The following ASGR1 variants were observed in gnomAD, a reference collection of about 807,000 sequenced individuals.
ASGR1 encodes C-type lectin domain family 4 member H1.
In ASGR1, 35 loss-of-function variants were observed where a neutral mutation model predicts 33.1. The ratio of observed to expected loss-of-function variants is 1.06; its 90% CI spans 0.81 to 1.40. The LOEUF is 1.40. Among genes scored for constraint, ASGR1 ranks in the 40% most tolerant of loss-of-function variants. ASGR1 has a pLI of 0.00. For synonymous variants in ASGR1, 142 were observed against 152.5 expected (o/e 0.93, Z 0.51); for missense variants, 396 against 373.7 (o/e 1.06, Z -0.49).
Position 7,178,530 on chromosome 17 carries a change from C to A in ASGR1, c.34G>T (p.Asp12Tyr), listed in dbSNP as rs762792513. The change falls in exon 2 of 9, where the codon GAC becomes TAC. Residue 12 changes from aspartate to tyrosine, a missense_variant. Coordinates refer to ENST00000269299, the MANE Select transcript of ASGR1 (RefSeq NM_001671.5). Reference sequence around the variant, plus strand: ...TGATGGTGGTCACTCTCCTCATTGTCCAGATGCTGAAGGTCTTGATACTCC... The same window carrying A: ...TGATGGTGGTCACTCTCCTCATTGTACAGATGCTGAAGGTCTTGATACTCC... ...TKEYQDLQHL[D>Y]NEESDHHQLR... 2 of 1,614,006 alleles carry A rather than the reference C, an allele frequency of 1.2e-6. No individual in the cohort carries two copies. Among genetic ancestry groups the A allele is most frequent in the Non-Finnish European group, 1.7e-6 (2 of 1,179,978 alleles).
chr17:7,176,729 T>A, intron 5 of ASGR1, 101 bp downstream of exon 5: 2 of 1,471,784 alleles, frequency 1.4e-6, no homozygotes, highest in Non-Finnish European at 1.9e-6. Context: ...CTCCCTCTCA[T>A]TCTCACACAC....
At chr17:7,175,377 A>T (rs1475364185) in intron 5 of ASGR1, among the ~76,000 whole-genome samples, 1 of 145,110 alleles carries the variant, frequency 6.9e-6, no homozygotes, top group African/African-American at 2.6e-5. Context: ...TCACCCAAAC[A>T]CACACAAAAA....
intron 5 of ASGR1, among the ~76,000 whole-genome samples, chr17:7,176,088 A>C (rs867716517): frequency 1.9e-4 from 28 of 147,986 alleles, no homozygotes; most frequent in African/African-American, 6.8e-4. Context: ...TCATTCTCAC[A>C]CTCACACACA....
At chr17:7,174,894 T>C (rs1157517239) in intron 5 of ASGR1, among the ~76,000 whole-genome samples, 1 of 117,324 alleles carries the variant, frequency 8.5e-6, no homozygotes, top group Admixed American at 8.9e-5. Flanking sequence ...AGACAACACA[T>C]AAAACACACA....
chr17:7,174,499 GA>G, intron 5 of ASGR1, 39 bp from the exon 6 acceptor site: 1 of 1,590,914 alleles, frequency 6.3e-7, no homozygotes, highest in South Asian at 1.1e-5. Flanking sequence ...AGGAGATGCG[GA>G]AACCACGGGG....
Position 7,173,546 on chromosome 17 carries a change from C to T in ASGR1, c.*113G>A. The T allele has an allele frequency of 5.6e-6, 8 of 1,419,530 alleles. 1 individual carries two copies. In the South Asian group the frequency reaches 1.0e-4, roughly 18 times the overall value. 87.9% of individuals were successfully genotyped at this position (1,419,530 alleles called of 1,614,324 possible). A position where few individuals can be genotyped will look rare whatever the true frequency, so the allele number is the denominator to read the frequency against. Reference sequence around the variant, plus strand: ...ACCTTCGGAACATCACCCTATCCTTCCCCTTCCCTTAAAATCCTAGATGAA... The same window carrying T: ...ACCTTCGGAACATCACCCTATCCTTTCCCTTCCCTTAAAATCCTAGATGAA... On this transcript the variant is annotated 3_prime_UTR_variant, in exon 9 of 9. Coordinates refer to ENST00000269299, the MANE Select transcript of ASGR1 (RefSeq NM_001671.5). The surrounding 1 kb of genome is among the most constrained non-coding windows in gnomAD (Gnocchi z 4.7).
At chr17:7,174,514 G>A in intron 5 of ASGR1, 54 bp from the exon 6 acceptor site, 1 of 1,553,712 alleles carries the variant, frequency 6.4e-7, no homozygotes, top group Non-Finnish European at 8.8e-7. Flanking sequence ...CACGGGGAGG[G>A]AAACGGGAAA....
At chr17:7,178,073 C>T in intron 2 of ASGR1, 1 of 218,188 alleles carries the variant, frequency 4.6e-6, no homozygotes, top group Non-Finnish European at 9.4e-6. Flanking sequence ...TCCTCAGACC[C>T]TTCACAGAAA....
intron 2 of ASGR1, 115 bp downstream of exon 2, chr17:7,178,378 GA>G: frequency 9.3e-7 from 1 of 1,078,282 alleles, no homozygotes; most frequent in Non-Finnish European, 1.4e-6. Flanking sequence ...AGTGTTGGGG[GA>G]GGGAGACAGA....
In ASGR1 at chr17:7,177,200, G is replaced by A; in HGVS notation, c.187+10C>T. 6.2e-7 allele frequency: 1 copy of A among 1,612,070 alleles called. No individual in the cohort carries two copies. The highest frequency in any genetic ancestry group is 8.5e-7 in the Non-Finnish European group (1 of 1,179,354). On this transcript the variant is annotated intron_variant, in intron 3 of 8. Transcript: ENST00000269299. ...CAATGTTGCCCCCTTCCCACCCCTG[G>A]GGCACCCACTTTGGGATCCGATCAC...
intron 5 of ASGR1, among the ~76,000 whole-genome samples, chr17:7,175,740 CACAA>C (rs550061335): frequency 3.0e-4 from 45 of 150,642 alleles, no homozygotes; most frequent in South Asian, 6.3e-4. Context: ...CTCTCCCACT[CACAA>C]ACACCCATCC....
intron 2 of ASGR1, 138 bp downstream of exon 2, chr17:7,178,356 G>A (rs2069240133): frequency 2.2e-6 from 2 of 914,510 alleles, no homozygotes; most frequent in South Asian, 1.5e-5. Context: ...AGGCAGTTCC[G>A]ACACCTTTCC....
In ASGR1 at chr17:7,174,153, C is replaced by T. The variant is rs776116098; in HGVS notation, c.579G>A (p.Thr193=). ...RLEDAHLVVV[T]SWEEQKFVQH... is the part of the protein sequence containing the mutation. ...GGGTCCTCACCTGCTCCTCCCAGGA[C>T]GTGACCACCACCAGGTGCGCGTCCT... is the stretch of plus-strand genomic sequence containing the variant. The change falls in exon 7 of 9, where the codon ACG becomes ACA. Residue 193 remains threonine, a synonymous_variant. Transcript: ENST00000269299. 4 of 1,614,066 alleles carry T rather than the reference C, an allele frequency of 2.5e-6. No individual in the cohort carries two copies. Among genetic ancestry groups the T allele is most frequent in the Middle Eastern group, 1.6e-4 (1 of 6,062 alleles).
At chr17:7,176,528 C>G (rs2069212699) in intron 5 of ASGR1, 1 of 418,614 alleles carries the variant, frequency 2.4e-6, no homozygotes, top group African/African-American at 3.3e-5. Flanking sequence ...CTCTCATTCC[C>G]ACACACACAC....
rs1178847684 is a variant in ASGR1 at position 7,177,161 on chromosome 17, CCGT to C, written c.187+46_187+48del. 2.1e-5 allele frequency: 34 copies of C among 1,613,020 alleles called. 1 individual carries two copies. Among genetic ancestry groups the C allele is most frequent in the Non-Finnish European group, 2.6e-5 (31 of 1,179,420 alleles). On this transcript the variant is annotated intron_variant, in intron 3 of 8. Transcript: ENST00000269299. ...CCCACCACTCCCTTGCCACGGTCCC[CCGT>C]CAACACCCCCCAATGTTGCCCCCTT...
chr17:7,178,425 G>A, intron 2 of ASGR1, 69 bp downstream of exon 2: 2 of 1,470,748 alleles, frequency 1.4e-6, no homozygotes, highest in Non-Finnish European at 9.5e-7. Context: ...GCAAGAGTAG[G>A]AGCTGTGGCT....
intron 5 of ASGR1, chr17:7,176,513 A>AC (rs1253991755): frequency 2.9e-5 from 13 of 446,416 alleles, no homozygotes; most frequent in African/African-American, 1.1e-4. Flanking sequence ...TCAGACACAC[A>AC]CCCCCTCTCA....
At chr17:7,175,989 G>A (rs886453388) in intron 5 of ASGR1, among the ~76,000 whole-genome samples, 1 of 132,896 alleles carries the variant, frequency 7.5e-6, no homozygotes, top group Non-Finnish European at 1.6e-5. Context: ...CACATACACT[G>A]ACACATTCTC....
chr17:7,176,139 C>T (rs2069201065), intron 5 of ASGR1, among the ~76,000 whole-genome samples: 2 of 148,782 alleles, frequency 1.3e-5, no homozygotes, highest in African/African-American at 5.0e-5. Context: ...CACACACACA[C>T]CCATCTCATT....
Sources: gnomAD v4.1 joint callset for allele counts (sites outside exome capture counted in the v4.1 genomes callset) on GRCh38, gnomAD v4.1.1 for gene constraint, Gnocchi (gnomAD v3.1) non-coding constraint, MANE v1.5 for transcripts, NCBI Gene and HGNC (gene_info 2026-07-23, HGNC 2026-07-21) for gene names.